SLIT2: variants seen among roughly 807,000 people sequenced by gnomAD.
SLIT2 encodes slit guidance ligand 2.
In SLIT2, 41 loss-of-function variants were observed where a neutral mutation model predicts 185.7. That is an observed-to-expected ratio of 0.22 (90% CI 0.17 to 0.29). SLIT2 has a LOEUF of 0.29. Ranked by LOEUF, SLIT2 falls within the 10% of genes least tolerant of loss-of-function variation. The pLI, the probability that SLIT2 is intolerant of heterozygous loss-of-function variation, is 1.00. For synonymous variants in SLIT2, 693 were observed against 680.2 expected (o/e 1.02, Z -0.29); for missense variants, 1,571 against 1,909.0 (o/e 0.82, Z 3.30).
At chr4:20,611,954 A>T (rs1315412300) in intron 34 of SLIT2, among the ~76,000 whole-genome samples, 2 of 152,198 alleles carry the variant, frequency 1.3e-5, no homozygotes, top group African/African-American at 4.8e-5. Context: ...AAGGGAACAA[A>T]TCTAAGTGCT....
Position 20,253,616 on chromosome 4 carries a change from G to A in SLIT2, c.-200G>A. On this transcript the variant is annotated 5_prime_UTR_variant, in exon 1 of 37. Transcript: ENST00000504154. ...CCCAAGGAGCTCCTGCTCTGCCAGAGGAGGGTGGAGAGGGCGGTGGGAGGC... is the reference window on the plus strand; with the variant it reads ...CCCAAGGAGCTCCTGCTCTGCCAGAAGAGGGTGGAGAGGGCGGTGGGAGGC... The A allele has an allele frequency of 1.6e-6, 1 of 618,710 alleles. No homozygotes were observed. The highest frequency in any genetic ancestry group is 2.8e-6 in the Non-Finnish European group (1 of 355,042). 38.3% of individuals were successfully genotyped at this position (618,710 alleles called of 1,614,324 possible).
At chr4:20,407,643 A>G (rs1035554695) in intron 4 of SLIT2, among the ~76,000 whole-genome samples, 9 of 152,194 alleles carry the variant, frequency 5.9e-5, no homozygotes, top group Admixed American at 3.9e-4. Flanking sequence ...ACATAAAAGT[A>G]TCTTCAGAAG....
intron 4 of SLIT2, among the ~76,000 whole-genome samples, chr4:20,463,685 T>C (rs1407419346): frequency 6.7e-6 from 1 of 150,142 alleles, no homozygotes; most frequent in African/African-American, 2.4e-5. Flanking sequence ...CCATCCTGGC[T>C]AACAAGGCAA....
At chr4:20,599,215 G>A (rs1204155203) in intron 33 of SLIT2, among the ~76,000 whole-genome samples, 2 of 152,142 alleles carry the variant, frequency 1.3e-5, no homozygotes, top group African/African-American at 2.4e-5. Context: ...ATAATATACT[G>A]GAGACGTGAA....
intron 4 of SLIT2, among the ~76,000 whole-genome samples, chr4:20,318,664 AC>A (rs1424922873): frequency 6.6e-6 from 1 of 151,982 alleles, no homozygotes; most frequent in Non-Finnish European, 1.5e-5. Context: ...AGTTCAGGCT[AC>A]TTGGATAATA....
chr4:20,440,206 TA>T (rs71653884), intron 4 of SLIT2, among the ~76,000 whole-genome samples: 55 of 149,954 alleles, frequency 3.7e-4, no homozygotes, highest in African/African-American at 7.6e-4. Flanking sequence ...TTAGGGGAAA[TA>T]AAAAAAAAAT....
At chr4:20,404,664 A>G (rs958135673) in intron 4 of SLIT2, among the ~76,000 whole-genome samples, 1 of 152,054 alleles carries the variant, frequency 6.6e-6, no homozygotes, top group African/African-American at 2.4e-5. Flanking sequence ...AATCTTGCCC[A>G]GAAAACCTAG....
At chr4:20,514,798 C>G (rs574413321) in intron 11 of SLIT2, among the ~76,000 whole-genome samples, 2 of 151,094 alleles carry the variant, frequency 1.3e-5, no homozygotes, top group African/African-American at 4.8e-5. Flanking sequence ...ATTTTTATTA[C>G]GTATTATATA....
intron 4 of SLIT2, among the ~76,000 whole-genome samples, chr4:20,349,037 G>T (rs1379250373): frequency 2.6e-5 from 4 of 152,140 alleles, no homozygotes; most frequent in African/African-American, 9.7e-5. Flanking sequence ...GCTTGGACTG[G>T]TAATATGGAA....
At chr4:20,475,100 C>A (rs1299076342) in intron 5 of SLIT2, among the ~76,000 whole-genome samples, 1 of 152,114 alleles carries the variant, frequency 6.6e-6, no homozygotes, top group African/African-American at 2.4e-5. Context: ...AGCATTCTGA[C>A]TTTGATCCAG....
At chr4:20,543,278 T>A (rs528185192) in intron 21 of SLIT2, among the ~76,000 whole-genome samples, 1 of 152,228 alleles carries the variant, frequency 6.6e-6, no homozygotes, top group East Asian at 1.9e-4. Flanking sequence ...AACCACAAAT[T>A]ATATGGCCAG....
intron 11 of SLIT2, among the ~76,000 whole-genome samples, chr4:20,518,583 ATATATTTTTTTTTTTTTTT>A: frequency 4.2e-5 from 1 of 23,600 alleles, no homozygotes; most frequent in South Asian, 2.8e-3. Flanking sequence ...ATATATATAT[ATATATTTTTTTTTTTTTTT>A]TTTTTTTTTT....
intron 4 of SLIT2, among the ~76,000 whole-genome samples, chr4:20,429,061 G>C (rs967218928): frequency 6.6e-6 from 1 of 152,190 alleles, no homozygotes; most frequent in Non-Finnish European, 1.5e-5. Flanking sequence ...GGCACAGATG[G>C]ACGTTTCGAC....
chr4:20,255,257 A>G (rs968262134), intron 1 of SLIT2, among the ~76,000 whole-genome samples: 5 of 152,286 alleles, frequency 3.3e-5, no homozygotes, highest in Admixed American at 6.5e-5. Flanking sequence ...AGCCCATTGC[A>G]CTTCAAGTCG....
intron 4 of SLIT2, among the ~76,000 whole-genome samples, chr4:20,389,003 A>G (rs938105463): frequency 6.7e-6 from 1 of 148,828 alleles, no homozygotes; most frequent in Non-Finnish European, 1.5e-5. Context: ...GGAGATATGA[A>G]CAAAGTCAAA....
At chr4:20,309,937 T>A (rs538208303) in intron 4 of SLIT2, among the ~76,000 whole-genome samples, 150 of 151,902 alleles carry the variant, frequency 9.9e-4, no homozygotes, top group Non-Finnish European at 1.7e-3. Context: ...TTTTTTGTAT[T>A]TTTTTAGTAG....
chr4:20,290,194 G>A (rs577774167), intron 4 of SLIT2, among the ~76,000 whole-genome samples: 5 of 152,250 alleles, frequency 3.3e-5, no homozygotes, highest in African/African-American at 9.6e-5. Context: ...GTTAAACCAT[G>A]TTCCCTTTAT....
At chr4:20,357,660 G>A (rs140558995) in intron 4 of SLIT2, among the ~76,000 whole-genome samples, 6 of 152,134 alleles carry the variant, frequency 3.9e-5, no homozygotes, top group African/African-American at 1.4e-4. Context: ...TGTGATATAG[G>A]ATGTGAAAAG....
At chr4:20,592,611 G>C (rs1727598014) in intron 30 of SLIT2, among the ~76,000 whole-genome samples, 1 of 152,162 alleles carries the variant, frequency 6.6e-6, no homozygotes, top group Non-Finnish European at 1.5e-5. Context: ...CGCTATGGTG[G>C]ATGTGTTGTT....
Sources: gnomAD v4.1 joint callset for allele counts (sites outside exome capture counted in the v4.1 genomes callset) on GRCh38, gnomAD v4.1.1 for gene constraint, MANE v1.5 for transcripts, NCBI Gene and HGNC (gene_info 2026-07-23, HGNC 2026-07-21) for gene names.